The following CACNA1B variants were observed in gnomAD, a reference collection of about 807,000 sequenced individuals.
CACNA1B encodes the protein calcium voltage-gated channel subunit alpha1 B.
In CACNA1B, 70 loss-of-function variants were observed where a neutral mutation model predicts 247.2. The ratio of observed to expected loss-of-function variants is 0.28; its 90% CI spans 0.23 to 0.35. The LOEUF (loss-of-function observed/expected upper bound fraction) is 0.35, where lower values mean the gene tolerates loss of function less well. CACNA1B is among the 10% of genes least tolerant of loss of function. The pLI is 1.00. For missense variants in CACNA1B, 2,367 were observed against 3,197.4 expected, an observed-to-expected ratio of 0.74 and a Z score of 6.26; for synonymous variants, 1,231 against 1,294.4, an observed-to-expected ratio of 0.95 and a Z score of 1.05.
At chr9:138,024,893 C>G in intron 19 of CACNA1B, 62 bp from the exon 20 acceptor site, 1 of 1,212,536 alleles carries the variant, frequency 8.2e-7, no homozygotes, top group South Asian at 1.3e-5. Flanking sequence ...CTCTGCCTCC[C>G]GGTGCCGGGA....
intron 6 of CACNA1B, among the ~76,000 whole-genome samples, chr9:137,935,809 C>G (rs1957659948): frequency 6.6e-6 from 1 of 151,938 alleles, no homozygotes; most frequent in South Asian, 2.1e-4. Context: ...GAGTCTCACT[C>G]TGTTGCCCAG....
In CACNA1B at chr9:137,990,387, A is replaced by C. The variant is rs1958418362; in HGVS notation, c.1974+3533A>C. Among the ~76,000 whole-genome samples the C allele has an allele frequency of 6.6e-6, 1 of 151,950 alleles. No individual in the cohort carries two copies. The highest frequency in any genetic ancestry group is 1.5e-5 in the Non-Finnish European group (1 of 67,988). The stretch of plus-strand genomic sequence containing the variant: ...TCTACCCACCCTGATGGCCGAAGAC[A>C]AAGGTTATAATCTCCTGGGGGCTCT... On this transcript the variant is annotated intron_variant, in intron 15 of 46. Transcript: ENST00000371372. The surrounding 1 kb of genome is among the most constrained non-coding windows in gnomAD (Gnocchi z 4.5).
intron 20 of CACNA1B, among the ~76,000 whole-genome samples, chr9:138,030,375 A>G (rs1047731282): frequency 6.6e-6 from 1 of 151,846 alleles, no homozygotes; most frequent in Non-Finnish European, 1.5e-5. Context: ...TTTTTCTGTT[A>G]TATGGTATTT....
chr9:138,013,003 C>G, intron 17 of CACNA1B, 126 bp from the exon 18 acceptor site: 2 of 667,806 alleles, frequency 3.0e-6, no homozygotes, highest in Non-Finnish European at 5.0e-6. Flanking sequence ...CCTGTCTCCA[C>G]TGGATAGAGA....
intron 15 of CACNA1B, among the ~76,000 whole-genome samples, chr9:138,000,394 G>A (rs1331635445): frequency 1.3e-5 from 2 of 152,066 alleles, no homozygotes; most frequent in Non-Finnish European, 2.9e-5. Flanking sequence ...CACCGTGCCT[G>A]GCCAAAACAT....
At chr9:137,895,967 T>C (rs1041337225) in intron 3 of CACNA1B, among the ~76,000 whole-genome samples, 2 of 152,076 alleles carry the variant, frequency 1.3e-5, no homozygotes, top group Non-Finnish European at 2.9e-5. Flanking sequence ...TGGCTGGGCG[T>C]AGTGGCTCAC....
intron 39 of CACNA1B, among the ~76,000 whole-genome samples, chr9:138,106,042 G>T (rs1442931052): frequency 6.6e-6 from 1 of 152,192 alleles, no homozygotes; most frequent in Admixed American, 6.5e-5. Context: ...CTGAGGCATG[G>T]TGAGATTTCA....
chr9:137,944,034 C>T (rs1328449274), intron 6 of CACNA1B, among the ~76,000 whole-genome samples: 1 of 152,258 alleles, frequency 6.6e-6, no homozygotes, highest in Non-Finnish European at 1.5e-5. Context: ...CTTGTATCCT[C>T]TACAGGCTGG....
Position 138,073,291 on chromosome 9 carries a change from A to C in CACNA1B, c.4675-197A>C, listed in dbSNP as rs1229490697. 6.6e-6 allele frequency among the ~76,000 whole-genome samples: 1 copy of C among 152,200 alleles called. No homozygotes were observed. Among genetic ancestry groups the C allele is most frequent in the African/African-American group, 2.4e-5 (1 of 41,452 alleles). ...TTTGCTGCATGAGAAGTGATTTGCAAGGACAAGCTTTACTTCTGGAAGATT... is the reference window on the plus strand; with the variant it reads ...TTTGCTGCATGAGAAGTGATTTGCACGGACAAGCTTTACTTCTGGAAGATT... On this transcript the variant is annotated intron_variant, in intron 32 of 46. Coordinates refer to ENST00000371372, the MANE Select transcript of CACNA1B (RefSeq NM_000718.4). The surrounding 1 kb of genome is among the most constrained non-coding windows in gnomAD (Gnocchi z 6.4).
intron 12 of CACNA1B, among the ~76,000 whole-genome samples, chr9:137,979,206 G>T (rs78583835): frequency 0.027 from 4,062 of 152,286 alleles, 77 homozygotes; most frequent in South Asian, 0.071. Context: ...TTCAGGTGTG[G>T]CACTGGGTAT....
chr9:138,096,201 G>T (rs1400918970), intron 36 of CACNA1B, among the ~76,000 whole-genome samples: 2 of 152,184 alleles, frequency 1.3e-5, no homozygotes, highest in Non-Finnish European at 2.9e-5. Flanking sequence ...GCCAGTCTGA[G>T]AGGGAAAGAC....
At chr9:137,980,182 G>C (rs1042162492) in intron 12 of CACNA1B, among the ~76,000 whole-genome samples, 1 of 152,220 alleles carries the variant, frequency 6.6e-6, no homozygotes, top group Non-Finnish European at 1.5e-5. Context: ...TGATGTCTCT[G>C]CATATATGTC....
Position 137,957,496 on chromosome 9 carries a change from G to A in CACNA1B, c.1244-102G>A. The A allele has an allele frequency of 1.3e-6, 1 of 758,690 alleles. No homozygotes were observed. Among genetic ancestry groups the A allele is most frequent in the Non-Finnish European group, 2.1e-6 (1 of 485,654 alleles). 47.0% of individuals were successfully genotyped at this position (758,690 alleles called of 1,614,324 possible). On this transcript the variant is annotated intron_variant, in intron 9 of 46. Coordinates refer to ENST00000371372, the MANE Select transcript of CACNA1B (RefSeq NM_000718.4). This position sits in a 1 kb window ranked among gnomAD's most constrained non-coding sequence, Gnocchi z 4.7. Reference sequence around the variant, plus strand: ...CCCAGTTCAGGACAGGAGCTCAGGAGAGGTCACTGGTCCCAGGGGGAGGGT... The same window carrying A: ...CCCAGTTCAGGACAGGAGCTCAGGAAAGGTCACTGGTCCCAGGGGGAGGGT...
Position 137,986,555 on chromosome 9 carries a change from C to A in CACNA1B, c.1901+11C>A. The A allele has an allele frequency of 6.2e-7, 1 of 1,613,564 alleles. No homozygotes were observed. Among genetic ancestry groups the A allele is most frequent in the Non-Finnish European group, 8.5e-7 (1 of 1,179,700 alleles). ...GCTGTTTGGGGGACAGTAAGTGGGCCCGGGAGGGAGAGCTCAAGGCTGGGG... is the reference window on the plus strand; with the variant it reads ...GCTGTTTGGGGGACAGTAAGTGGGCACGGGAGGGAGAGCTCAAGGCTGGGG... On this transcript the variant is annotated intron_variant, in intron 14 of 46. Transcript: ENST00000371372. The surrounding 1 kb of genome is among the most constrained non-coding windows in gnomAD (Gnocchi z 6.0).
chr9:137,944,363 A>G (rs1957769160), intron 6 of CACNA1B, among the ~76,000 whole-genome samples: 1 of 152,084 alleles, frequency 6.6e-6, no homozygotes, highest in Non-Finnish European at 1.5e-5. Flanking sequence ...CCTTTACCTT[A>G]TCATAATTTA....
chr9:138,087,498 C>T lies in CACNA1B; in HGVS notation c.5095-8986C>T, dbSNP rs1402064372. On this transcript the variant is annotated intron_variant, in intron 36 of 46. Transcript: ENST00000371372. The stretch of plus-strand genomic sequence containing the variant: ...TTGGGAGGCCGAGGTGGGTGGATCA[C>T]GAGGTCAAGAGATCGACACCATCCT... 9.7e-5 allele frequency among the ~76,000 whole-genome samples: 14 copies of T among 144,592 alleles called. 1 individual carries two copies. Among genetic ancestry groups the T allele is most frequent in the East Asian group, 7.7e-4 (3 of 3,886 alleles). 94.9% of individuals were successfully genotyped at this position (144,592 alleles called of 152,430 possible). A position where few individuals can be genotyped will look rare whatever the true frequency, so the allele number is the denominator to read the frequency against.
At chr9:138,097,556 C>G (rs1254844359) in intron 37 of CACNA1B, among the ~76,000 whole-genome samples, 1 of 152,244 alleles carries the variant, frequency 6.6e-6, no homozygotes, top group Non-Finnish European at 1.5e-5. Context: ...TAGCACCTCA[C>G]TCACAGCGTG....
rs201064406 is a variant in CACNA1B, at chr9:137,971,422, C to T, written c.1373C>T (p.Thr458Ile). Reference protein sequence around the residue: ...FARASLKSGKTESSSYFRRKE... With the variant: ...FARASLKSGKIESSSYFRRKE... ...CGCGCCAGCCTCAAGAGCGGGAAGA[C>T]AGAGAGCTCGTCATACTTCCGGAGG... is the stretch of plus-strand genomic sequence containing the variant. The change falls in exon 11 of 47, where the codon ACA becomes ATA. Residue 458 changes from threonine to isoleucine, a missense_variant. Transcript: ENST00000371372. This position sits in a 1 kb window ranked among gnomAD's most constrained non-coding sequence, Gnocchi z 4.4. 6.2e-7 allele frequency: 1 copy of T among 1,613,496 alleles called. No homozygotes were observed.
At chr9:137,921,111 C>T (rs1436421700) in intron 6 of CACNA1B, among the ~76,000 whole-genome samples, 4 of 152,124 alleles carry the variant, frequency 2.6e-5, no homozygotes, top group Non-Finnish European at 4.4e-5. Flanking sequence ...AGGATGAGAT[C>T]ACCTGGGTAA....
Sources: allele counts gnomAD v4.1 joint callset (sites outside exome capture counted in the v4.1 genomes callset), GRCh38; gene constraint gnomAD v4.1.1; non-coding constraint Gnocchi (gnomAD v3.1); transcripts MANE v1.5; gene names NCBI Gene and HGNC (gene_info 2026-07-23, HGNC 2026-07-21).